VPS26C: variants seen among roughly 807,000 people sequenced by gnomAD.
VPS26C encodes VPS26 endosomal protein sorting factor C.
VPS26C carries 19 observed loss-of-function variants against 30.6 expected under a neutral mutation model. That is an observed-to-expected ratio of 0.62 (90% CI 0.43 to 0.91). The LOEUF (loss-of-function observed/expected upper bound fraction) is 0.91, where lower values mean the gene tolerates loss of function less well. Among genes scored for constraint, VPS26C ranks in the 40% least tolerant of loss-of-function variants. The probability of loss-of-function intolerance (pLI) is 0.00; values close to 1 mark genes in which losing one functional copy is unlikely to be tolerated. For synonymous variants in VPS26C, 132 were observed against 151.5 expected (o/e 0.87, Z 0.95); for missense variants, 318 against 385.1 (o/e 0.83, Z 1.46).
intron 1 of VPS26C, among the ~76,000 whole-genome samples, chr21:37,259,588 G>A (rs1369652090): frequency 6.6e-6 from 1 of 152,142 alleles, no homozygotes; most frequent in African/African-American, 2.4e-5. Flanking sequence ...CCCCTACAGC[G>A]TTCCAAGACA....
chr21:37,228,465 G>A lies in VPS26C; in HGVS notation c.508-92C>T. The stretch of plus-strand genomic sequence containing the variant: ...GCAAATAAAACCTGGAAGCGAAGTT[G>A]GATAGTGGTTACACAGTCCACCGGG... On this transcript the variant is annotated intron_variant, in intron 5 of 7. Coordinates refer to ENST00000309117, the MANE Select transcript of VPS26C (RefSeq NM_006052.2). 3 of 1,434,134 alleles carry A rather than the reference G, an allele frequency of 2.1e-6. No homozygotes were observed. In the South Asian group the frequency reaches 3.8e-5, roughly 18 times the overall value. 88.8% of individuals were successfully genotyped at this position (1,434,134 alleles called of 1,614,324 possible). A position where few individuals can be genotyped will look rare whatever the true frequency, so the allele number is the denominator to read the frequency against.
At chr21:37,241,382 C>T (rs2086085616) in intron 1 of VPS26C, among the ~76,000 whole-genome samples, 1 of 152,288 alleles carries the variant, frequency 6.6e-6, no homozygotes, top group South Asian at 2.1e-4. Flanking sequence ...TAACTGCATT[C>T]GCTATTGGAG....
intron 1 of VPS26C, among the ~76,000 whole-genome samples, chr21:37,250,981 A>G (rs897395820): frequency 1.3e-5 from 2 of 152,126 alleles, no homozygotes; most frequent in African/African-American, 4.8e-5. Context: ...ATCTGAACAA[A>G]GAGCTCACAG....
chr21:37,233,499 G>A lies in VPS26C; in HGVS notation c.352-57C>T. ...TTTTAGTGGGATTTGCTTTCATCTT[G>A]GAATTATATTCAAAGAGACAAGTCA... On this transcript the variant is annotated intron_variant, in intron 3 of 7. Transcript: ENST00000309117. This position sits in a 1 kb window ranked among gnomAD's most constrained non-coding sequence, Gnocchi z 5.2. 2 of 1,242,336 alleles carry A rather than the reference G, an allele frequency of 1.6e-6. No homozygotes were observed. The highest frequency in any genetic ancestry group is 2.4e-6 in the Non-Finnish European group (2 of 842,958). 77.0% of individuals were successfully genotyped at this position (1,242,336 alleles called of 1,614,324 possible).
Position 37,233,795 on chromosome 21 carries a change from C to T in VPS26C, c.352-353G>A, listed in dbSNP as rs536942275. ...CAGGAGCAGACGCCAGGCCAGATCC[C>T]GTTGTTGTCTGCCTTACTGTGCGAG... On this transcript the variant is annotated intron_variant, in intron 3 of 7. Coordinates refer to ENST00000309117, the MANE Select transcript of VPS26C (RefSeq NM_006052.2). The surrounding 1 kb of genome is among the most constrained non-coding windows in gnomAD (Gnocchi z 5.2). Among the ~76,000 whole-genome samples the T allele has an allele frequency of 3.9e-5, 6 of 152,254 alleles. No individual in the cohort carries two copies. In the East Asian group the frequency reaches 5.8e-4, roughly 15 times the overall value.
At chr21:37,244,271 T>TC (rs2086115992) in intron 1 of VPS26C, among the ~76,000 whole-genome samples, 1 of 152,220 alleles carries the variant, frequency 6.6e-6, no homozygotes, top group Non-Finnish European at 1.5e-5. Flanking sequence ...CTCTTTTTTT[T>TC]CCTCATTCAC....
At chr21:37,230,856 A>G (rs550910717) in intron 5 of VPS26C, 1 of 152,532 alleles carries the variant, frequency 6.6e-6, no homozygotes, top group South Asian at 2.1e-4. Flanking sequence ...AGGTGAGCTC[A>G]CCAGATGGGG....
chr21:37,264,870 G>C (rs1431063698), intron 1 of VPS26C, among the ~76,000 whole-genome samples: 2 of 152,152 alleles, frequency 1.3e-5, no homozygotes, highest in African/African-American at 4.8e-5. Context: ...TAGCGAAAAG[G>C]TAGAAATAAC....
rs151252199 is a variant in VPS26C, at chr21:37,233,019, C to T, written c.432+343G>A. On this transcript the variant is annotated intron_variant, in intron 4 of 7. Transcript: ENST00000309117. The surrounding 1 kb of genome is among the most constrained non-coding windows in gnomAD (Gnocchi z 5.2). The stretch of plus-strand genomic sequence containing the variant: ...TACATAATTTCAGAATCTACAGATA[C>T]AGCCGAGCTTCATGAGAGCCTGCCT... Among the ~76,000 whole-genome samples, 14 of 152,336 alleles carry T rather than the reference C, an allele frequency of 9.2e-5. No individual in the cohort carries two copies. In the East Asian group the frequency reaches 2.7e-3, roughly 29 times the overall value.
At chr21:37,262,512 C>T (rs1203916040) in intron 1 of VPS26C, among the ~76,000 whole-genome samples, 1 of 152,144 alleles carries the variant, frequency 6.6e-6, no homozygotes, top group African/African-American at 2.4e-5. Context: ...CTGTAACCCT[C>T]ATGAGATCAA....
intron 1 of VPS26C, among the ~76,000 whole-genome samples, chr21:37,250,196 T>G (rs2086177754): frequency 6.6e-6 from 1 of 151,986 alleles, no homozygotes; most frequent in African/African-American, 2.4e-5. Flanking sequence ...TCCCAGCTAC[T>G]TGGGAGGCTG....
At chr21:37,251,508 T>C (rs2148301227) in intron 1 of VPS26C, among the ~76,000 whole-genome samples, 1 of 152,252 alleles carries the variant, frequency 6.6e-6, no homozygotes, top group Non-Finnish European at 1.5e-5. Context: ...TATTGCACCA[T>C]TTGTGAAAAA....
intron 2 of VPS26C, among the ~76,000 whole-genome samples, chr21:37,240,048 G>C (rs1024079760): frequency 1.3e-5 from 2 of 152,174 alleles, no homozygotes; most frequent in African/African-American, 4.8e-5. Context: ...AATATCAGAA[G>C]TGTAACTACC....
chr21:37,225,221 T>G lies in VPS26C; in HGVS notation c.*323A>C. 1 of 327,428 alleles carries G rather than the reference T, an allele frequency of 3.1e-6. No homozygotes were observed. The highest frequency in any genetic ancestry group is 5.9e-6 in the Non-Finnish European group (1 of 170,138). 20.3% of individuals were successfully genotyped at this position (327,428 alleles called of 1,614,324 possible). A position where few individuals can be genotyped will look rare whatever the true frequency, so the allele number is the denominator to read the frequency against. On this transcript the variant is annotated 3_prime_UTR_variant, in exon 8 of 8. Coordinates refer to ENST00000309117, the MANE Select transcript of VPS26C (RefSeq NM_006052.2). Reference sequence around the variant, plus strand: ...ATGCCACTCTCCAGCAAGCTCAAACTGCTGTCACAATTGTTTTACTGTACC... The same window carrying G: ...ATGCCACTCTCCAGCAAGCTCAAACGGCTGTCACAATTGTTTTACTGTACC...
chr21:37,267,953 C>T (rs1027725304), upstream of VPS26C: 1 of 152,608 alleles, frequency 6.6e-6, no homozygotes, highest in African/African-American at 2.4e-5. Context: ...GGGGTGCGGC[C>T]CCTGCGTGCT....
At chr21:37,256,437 T>C (rs1443059490) in intron 1 of VPS26C, among the ~76,000 whole-genome samples, 1 of 152,254 alleles carries the variant, frequency 6.6e-6, no homozygotes, top group Admixed American at 6.5e-5. Context: ...ATTATTAAAA[T>C]TGACATTAGA....
intron 3 of VPS26C, among the ~76,000 whole-genome samples, chr21:37,236,826 G>A (rs1439701403): frequency 2.0e-5 from 3 of 152,192 alleles, no homozygotes; most frequent in East Asian, 3.8e-4. Context: ...ATGAAAAGAC[G>A]AGGGTAGGGG....
Position 37,255,138 on chromosome 21 carries a change from A to G in VPS26C, c.57+12100T>C, listed in dbSNP as rs539516748. 2.6e-5 allele frequency among the ~76,000 whole-genome samples: 4 copies of G among 152,366 alleles called. No individual in the cohort carries two copies. In the East Asian group the frequency reaches 7.7e-4, roughly 29 times the overall value. ...AAAATCTGAAACACACGGTCAAACT[A>G]TCATGACTGTATTTTTTTTAGATTA... On this transcript the variant is annotated intron_variant, in intron 1 of 7. Coordinates refer to ENST00000309117, the MANE Select transcript of VPS26C (RefSeq NM_006052.2).
chr21:37,259,155 C>T (rs1321894116), intron 1 of VPS26C, among the ~76,000 whole-genome samples: 1 of 151,846 alleles, frequency 6.6e-6, no homozygotes, highest in Non-Finnish European at 1.5e-5. Context: ...ACTGTTACAA[C>T]TGATCATTCA....
Sources: allele counts gnomAD v4.1 joint callset (sites outside exome capture counted in the v4.1 genomes callset), GRCh38; gene constraint gnomAD v4.1.1; non-coding constraint Gnocchi (gnomAD v3.1); transcripts MANE v1.5; gene names NCBI Gene and HGNC (gene_info 2026-07-23, HGNC 2026-07-21).